The following PALD1 variants were observed in gnomAD, a reference collection of about 807,000 sequenced individuals.
PALD1 encodes the protein paladin.
Under a neutral mutation model 96.0 loss-of-function variants are expected in PALD1, and 57 were observed. The observed-to-expected ratio is 0.59, with a 90% CI of 0.48 to 0.74. The LOEUF (loss-of-function observed/expected upper bound fraction) is 0.74, where lower values mean the gene tolerates loss of function less well. PALD1 is among the 30% of genes least tolerant of loss of function. PALD1 has a pLI of 0.00. For missense variants in PALD1, 1,063 were observed against 1,143.7 expected, an observed-to-expected ratio of 0.93 and a Z score of 1.02; for synonymous variants, 464 against 473.6, an observed-to-expected ratio of 0.98 and a Z score of 0.26.
chr10:70,458,935 A>G, the PALD1 span, among the ~76,000 whole-genome samples: 1 of 152,140 alleles, frequency 6.6e-6, no homozygotes, highest in African/African-American at 2.4e-5. Flanking sequence ...TGGGCAGGAG[A>G]GTCAGGATGG....
At chr10:70,502,291 C>T (rs1371780775) in intron 1 of PALD1, among the ~76,000 whole-genome samples, 1 of 152,184 alleles carries the variant, frequency 6.6e-6, no homozygotes, top group Non-Finnish European at 1.5e-5. Context: ...GCTTTTTTCG[C>T]TCCATGTCCT....
intron 18 of PALD1, among the ~76,000 whole-genome samples, chr10:70,548,357 C>A (rs1486276110): frequency 6.6e-6 from 1 of 152,204 alleles, no homozygotes; most frequent in Non-Finnish European, 1.5e-5. Context: ...GATTTTCAGC[C>A]TATCTGGAAA....
intron 1 of PALD1, among the ~76,000 whole-genome samples, chr10:70,486,953 C>T (rs939603922): frequency 6.6e-6 from 1 of 152,004 alleles, no homozygotes; most frequent in Admixed American, 6.6e-5. Context: ...TGGTGGGAAT[C>T]TGATTTCTGA....
At chr10:70,547,136 AG>A (rs890638791) in intron 17 of PALD1, among the ~76,000 whole-genome samples, 169 bp from the exon 18 acceptor site, 2 of 152,204 alleles carry the variant, frequency 1.3e-5, no homozygotes, top group African/African-American at 4.8e-5. Flanking sequence ...GGAGATGTTC[AG>A]GATCCCCCTG....
At chr10:70,472,086 C>T in the PALD1 span, among the ~76,000 whole-genome samples, 5 of 152,148 alleles carry the variant, frequency 3.3e-5, no homozygotes, top group African/African-American at 7.2e-5. Flanking sequence ...CCTTGGAGCT[C>T]GTCACACGAA....
chr10:70,471,742 C>T, the PALD1 span, among the ~76,000 whole-genome samples: 8 of 152,248 alleles, frequency 5.3e-5, no homozygotes, highest in African/African-American at 1.9e-4. Flanking sequence ...GGCAAAGGGT[C>T]TGTGCCTTTG....
intron 1 of PALD1, among the ~76,000 whole-genome samples, chr10:70,519,764 G>A (rs1016063125): frequency 2.6e-4 from 39 of 151,856 alleles, no homozygotes; most frequent in African/African-American, 8.5e-4. Context: ...TAGTAGAGAC[G>A]GGGTTTCGCC....
intron 8 of PALD1, 151 bp downstream of exon 8, chr10:70,534,224 T>G (rs1314763497): frequency 9.9e-7 from 1 of 1,008,946 alleles, no homozygotes; most frequent in East Asian, 2.6e-5. Context: ...CGAGACTTGC[T>G]GGGAGACCTG....
intron 1 of PALD1, among the ~76,000 whole-genome samples, chr10:70,507,346 A>T (rs1249626942): frequency 1.3e-5 from 2 of 152,050 alleles, no homozygotes; most frequent in African/African-American, 4.8e-5. Flanking sequence ...CAGGAGGAGG[A>T]GGTTGCAGTG....
chr10:70,506,677 G>A (rs1846397837), intron 1 of PALD1, among the ~76,000 whole-genome samples: 1 of 152,166 alleles, frequency 6.6e-6, no homozygotes, highest in Admixed American at 6.5e-5. Context: ...AGTGAGTGAA[G>A]GGCCCAGGGG....
intron 1 of PALD1, among the ~76,000 whole-genome samples, chr10:70,501,053 C>T (rs977549272): frequency 6.6e-6 from 1 of 152,192 alleles, no homozygotes; most frequent in African/African-American, 2.4e-5. Context: ...GGCAAGGTCA[C>T]TTCCTGTCTG....
At position 70,532,651 on chromosome 10, in the gene PALD1, A is replaced by T; in HGVS notation, c.664A>T (p.Thr222Ser). 1.2e-6 allele frequency: 2 copies of T among 1,614,166 alleles called. No individual in the cohort carries two copies. The highest frequency in any genetic ancestry group is 1.7e-6 in the Non-Finnish European group (2 of 1,180,016). ...IHDFAQLSEN[T>S]YHVYHNTEDL... The stretch of plus-strand genomic sequence containing the variant: ...CGACTTTGCCCAGCTGAGCGAGAAC[A>T]CATACCATGTGTACCATAACACCGA... The change falls in exon 6 of 20, where the codon ACA (threonine) becomes TCA (serine). Residue 222 changes from threonine (T) to serine (S), a missense_variant. Thr to Ser is a moderately conservative substitution (Grantham distance 58). Transcript: ENST00000263563.
At position 70,547,425 on chromosome 10, in the gene PALD1, C is replaced by G. The variant is rs770895132; in HGVS notation, c.2241C>G (p.Ile747Met). The change falls in exon 18 of 20, where the codon ATC becomes ATG. Residue 747 changes from isoleucine (I) to methionine (M), a missense_variant. Physicochemically the swap from Ile to Met is conservative, Grantham distance 10. Transcript: ENST00000263563. ...MTPMHYHLRE[I>M]IICTYRQAKA... ...CCATGCACTACCACCTGCGGGAGAT[C>G]ATCATCTGCACCTACCGCCAGGTGA... 2 of 1,611,000 alleles carry G rather than the reference C, an allele frequency of 1.2e-6. No individual in the cohort carries two copies. The highest frequency in any genetic ancestry group is 1.7e-6 in the Non-Finnish European group (2 of 1,179,030).
At chr10:70,497,231 A>C (rs949340804) in intron 1 of PALD1, among the ~76,000 whole-genome samples, 1 of 152,264 alleles carries the variant, frequency 6.6e-6, no homozygotes, top group Non-Finnish European at 1.5e-5. Flanking sequence ...CTGTACTGGC[A>C]TCTTGAGCCT....
Position 70,531,420 on chromosome 10 carries a change from G to T in PALD1, c.599G>T (p.Arg200Leu), listed in dbSNP as rs760183959. The T allele has an allele frequency of 1.2e-6, 2 of 1,614,030 alleles. No individual in the cohort carries two copies. The highest frequency in any genetic ancestry group is 2.2e-5 in the South Asian group (2 of 91,076). Residue 200 changes from arginine (R) to leucine (L), a missense_variant, in exon 5 of 20, where the codon CGG (arginine) becomes CTG (leucine). Physicochemically the swap from Arg to Leu is moderately radical, Grantham distance 102. Transcript: ENST00000263563. ...CTCCAGGGCCTTGGACCCGGGGTCCGGGTGGAGAGCCTGGAGCTGGCCATC... is the reference window on the plus strand; with the variant it reads ...CTCCAGGGCCTTGGACCCGGGGTCCTGGTGGAGAGCCTGGAGCTGGCCATC... ...ENLQGLGPGV[R>L]VESLELAIRK...
chr10:70,523,113 C>T (rs1846771476), intron 1 of PALD1, among the ~76,000 whole-genome samples: 1 of 152,244 alleles, frequency 6.6e-6, no homozygotes, highest in African/African-American at 2.4e-5. Flanking sequence ...GCCTGTTCTA[C>T]CCCTGCGGCC....
intron 18 of PALD1, among the ~76,000 whole-genome samples, chr10:70,550,079 T>C (rs940310014): frequency 6.6e-6 from 1 of 152,196 alleles, no homozygotes; most frequent in Non-Finnish European, 1.5e-5. Flanking sequence ...GCCAAATTCT[T>C]AGAGGCACTG....
intron 10 of PALD1, among the ~76,000 whole-genome samples, chr10:70,535,356 TTTC>T (rs1378916731): frequency 1.3e-5 from 2 of 152,144 alleles, no homozygotes; most frequent in East Asian, 1.9e-4. Flanking sequence ...TTTTTTCTTG[TTTC>T]TTCTTCTCTT....
intron 19 of PALD1, 39 bp downstream of exon 19, chr10:70,564,558 G>T (rs1046002141): frequency 1.1e-5 from 18 of 1,597,298 alleles, no homozygotes; most frequent in Non-Finnish European, 1.5e-5. Context: ...CGGGGCGATG[G>T]CTCCTGCAGA....
Sources: allele counts gnomAD v4.1 joint callset (sites outside exome capture counted in the v4.1 genomes callset), GRCh38; gene constraint gnomAD v4.1.1; transcripts MANE v1.5; gene names NCBI Gene and HGNC (gene_info 2026-07-23, HGNC 2026-07-21).